The following RBFOX1 variants were observed in gnomAD, a reference collection of about 807,000 sequenced individuals.
RBFOX1 encodes the protein RNA binding protein fox-1 homolog 1.
RBFOX1 carries 8 observed loss-of-function variants against 57.7 expected under a neutral mutation model. The ratio of observed to expected loss-of-function variants is 0.14; its 90% CI spans 0.08 to 0.25. The LOEUF is 0.25. Among genes scored for constraint, RBFOX1 ranks in the 10% least tolerant of loss-of-function variants. RBFOX1 has a pLI of 1.00. For missense variants in RBFOX1, 611 were observed against 548.5 expected, an observed-to-expected ratio of 1.11 and a Z score of -1.14; for synonymous variants, 326 against 222.4, an observed-to-expected ratio of 1.47 and a Z score of -4.15.
chr16:6,043,141 A>G (rs1428806778), intron 1 of RBFOX1, among the ~76,000 whole-genome samples: 1 of 54,634 alleles, frequency 1.8e-5, no homozygotes, highest in African/African-American at 6.5e-5. Context: ...AAAAAAAAAA[A>G]AAAAAAAAAA....
At chr16:6,825,912 C>T (rs1471927576) in intron 3 of RBFOX1, among the ~76,000 whole-genome samples, 1 of 152,144 alleles carries the variant, frequency 6.6e-6, no homozygotes, top group African/African-American at 2.4e-5. Context: ...AATCGTGTGA[C>T]TTTAAATTCA....
intron 1 of RBFOX1, among the ~76,000 whole-genome samples, chr16:6,248,459 T>A (rs1462218282): frequency 6.6e-6 from 1 of 152,142 alleles, no homozygotes; most frequent in Non-Finnish European, 1.5e-5. Context: ...AAGCTTTATG[T>A]AGTCACAGCT....
At chr16:7,609,503 T>C (rs1596437831) in intron 10 of RBFOX1, among the ~76,000 whole-genome samples, 1 of 152,188 alleles carries the variant, frequency 6.6e-6, no homozygotes, top group Non-Finnish European at 1.5e-5. Context: ...AGAGCAGCTA[T>C]TCAGATTAGC....
rs187065691 is a variant in RBFOX1 at position 7,617,738 on chromosome 16, C to G, written c.676+10400C>G. On this transcript the variant is annotated intron_variant, in intron 10 of 15. Coordinates refer to ENST00000550418, the MANE Select transcript of RBFOX1 (RefSeq NM_018723.4). Reference sequence around the variant, plus strand: ...GCCGAGGTACCAAAACAGACCCAGGCTTTCCCTCTAGAAGTCAACAGGGTA... The same window carrying G: ...GCCGAGGTACCAAAACAGACCCAGGGTTTCCCTCTAGAAGTCAACAGGGTA... 2.6e-3 allele frequency among the ~76,000 whole-genome samples: 399 copies of G among 152,308 alleles called. 1 individual carries two copies. Among genetic ancestry groups the G allele is most frequent in the African/African-American group, 9.2e-3 (382 of 41,552 alleles).
At chr16:5,813,109 G>C (rs1269368295) in intron 3 of RBFOX1, among the ~76,000 whole-genome samples, 1 of 151,122 alleles carries the variant, frequency 6.6e-6, no homozygotes, top group Non-Finnish European at 1.5e-5. Flanking sequence ...ACAAGTTCAA[G>C]TGATTCTCCT....
chr16:5,882,313 T>C (rs1285703419), intron 4 of RBFOX1, among the ~76,000 whole-genome samples: 1 of 152,168 alleles, frequency 6.6e-6, no homozygotes, highest in East Asian at 1.9e-4. Flanking sequence ...TGTCTTAGAG[T>C]TGGCTTCATT....
At chr16:6,355,286 C>A (rs1162450498) in intron 2 of RBFOX1, among the ~76,000 whole-genome samples, 1 of 151,888 alleles carries the variant, frequency 6.6e-6, no homozygotes, top group South Asian at 2.1e-4. Context: ...ACTCCCCCAG[C>A]CCCCCAGCCC....
intron 4 of RBFOX1, among the ~76,000 whole-genome samples, chr16:5,986,002 T>C (rs2060278414): frequency 6.6e-6 from 1 of 152,100 alleles, no homozygotes; most frequent in Non-Finnish European, 1.5e-5. Context: ...ATAGAAACAA[T>C]AGCACTTTTT....
intron 4 of RBFOX1, among the ~76,000 whole-genome samples, chr16:7,122,557 A>T (rs1040829245): frequency 2.6e-5 from 4 of 152,204 alleles, no homozygotes; most frequent in African/African-American, 9.6e-5. Context: ...AAGATAAAAA[A>T]AATTGACAAG....
rs200747541 is a variant in RBFOX1 at position 7,294,376 on chromosome 16, C to T, written c.28-223771C>T. 9.9e-5 allele frequency among the ~76,000 whole-genome samples: 15 copies of T among 152,200 alleles called. No individual in the cohort carries two copies. In the East Asian group the frequency reaches 2.9e-3, roughly 30 times the overall value. ...AAGGCTGCTATAGGAACTGAAGTTA[C>T]TTGCTTGCTCTGGGTACCTTTTAAT... On this transcript the variant is annotated intron_variant, in intron 4 of 15. Transcript: ENST00000550418.
chr16:5,718,918 G>T (rs942294776), intron 3 of RBFOX1, among the ~76,000 whole-genome samples: 1 of 150,874 alleles, frequency 6.6e-6, no homozygotes, highest in Non-Finnish European at 1.5e-5. Flanking sequence ...CAAAATGAAT[G>T]AATGAATGAA....
chr16:5,998,380 G>C (rs1005339491), intron 4 of RBFOX1, among the ~76,000 whole-genome samples: 1 of 152,206 alleles, frequency 6.6e-6, no homozygotes, highest in Non-Finnish European at 1.5e-5. Flanking sequence ...AAAAGAAATA[G>C]AGTGAGGAAT....
intron 1 of RBFOX1, among the ~76,000 whole-genome samples, chr16:5,454,786 T>C (rs2068534699): frequency 1.3e-5 from 2 of 150,358 alleles, no homozygotes. Flanking sequence ...TCTTTCTTTC[T>C]TTCTCTTTCT....
chr16:6,374,523 A>C (rs974763085), intron 2 of RBFOX1, among the ~76,000 whole-genome samples: 2 of 152,138 alleles, frequency 1.3e-5, no homozygotes, highest in African/African-American at 4.8e-5. Flanking sequence ...TATGTGTTCT[A>C]GTGTCTTTAG....
chr16:6,754,747 A>G (rs2075515799), intron 3 of RBFOX1, among the ~76,000 whole-genome samples: 1 of 152,032 alleles, frequency 6.6e-6, no homozygotes, highest in Admixed American at 6.6e-5. Context: ...GTACATGTGC[A>G]CAATGTGCAG....
At chr16:7,487,954 T>C (rs1024727825) in intron 4 of RBFOX1, among the ~76,000 whole-genome samples, 1 of 150,854 alleles carries the variant, frequency 6.6e-6, no homozygotes, top group African/African-American at 2.5e-5. Flanking sequence ...TTGGAATGGA[T>C]TTTTTTTTCC....
chr16:6,572,612 A>T (rs1303507783), intron 2 of RBFOX1, among the ~76,000 whole-genome samples: 1 of 148,664 alleles, frequency 6.7e-6, no homozygotes, highest in Non-Finnish European at 1.5e-5. Context: ...TTTTTTTTTT[A>T]GACAGAGTCT....
intron 3 of RBFOX1, among the ~76,000 whole-genome samples, chr16:6,659,210 G>A (rs1174816547): frequency 1.4e-5 from 2 of 146,016 alleles, no homozygotes; most frequent in Admixed American, 7.1e-5. Flanking sequence ...CAGTCAGGGG[G>A]AGAATCTGTC....
At chr16:6,498,323 A>G (rs533715172) in intron 2 of RBFOX1, among the ~76,000 whole-genome samples, 64 of 152,288 alleles carry the variant, frequency 4.2e-4, no homozygotes, top group African/African-American at 1.4e-3. Context: ...CTGAGATAGT[A>G]GAATTTAGAG....
Sources: gnomAD v4.1 joint callset for allele counts (sites outside exome capture counted in the v4.1 genomes callset) on GRCh38, gnomAD v4.1.1 for gene constraint, MANE v1.5 for transcripts, NCBI Gene and HGNC (gene_info 2026-07-23, HGNC 2026-07-21) for gene names.